The following LRP8 variants were observed in gnomAD, a reference collection of about 807,000 sequenced individuals.
LRP8 encodes the protein LDL receptor related protein 8.
LRP8 carries 46 observed loss-of-function variants against 111.6 expected under a neutral mutation model. That is an observed-to-expected ratio of 0.41 (90% confidence interval 0.33 to 0.53). The LOEUF is 0.53. Ranked by LOEUF, LRP8 falls within the 20% of genes least tolerant of loss-of-function variation. The pLI is 0.20. For missense variants in LRP8, 959 were observed against 1,297.4 expected (o/e 0.74, Z 4.01); for synonymous variants, 464 against 511.2 (o/e 0.91, Z 1.24).
In LRP8 at chr1:53,313,166, C is replaced by T. The variant is rs138582297; in HGVS notation, c.244+13707G>A. ...AAGCTGAGGTTCAGAAAAGGTCACA[C>T]ATTAAGTTAGGGGCTGGTGCCCCCA... is the stretch of plus-strand genomic sequence containing the variant. On this transcript the variant is annotated intron_variant, in intron 2 of 18. Transcript: ENST00000306052. 5.0e-4 allele frequency among the ~76,000 whole-genome samples: 76 copies of T among 152,314 alleles called. 1 individual carries two copies. In the South Asian group the frequency reaches 0.01, roughly 21 times the overall value.
In LRP8 at chr1:53,246,984, A is replaced by C. The variant is rs376805709; in HGVS notation, c.*34T>G. On this transcript the variant is annotated 3_prime_UTR_variant, in exon 19 of 19. Transcript: ENST00000306052. ...ATCCAGAGTGTAGTGCATGGGACTG[A>C]ATTCCATGAGGCACGAAGGGGGTGA... is the stretch of plus-strand genomic sequence containing the variant. 24 of 1,600,754 alleles carry C rather than the reference A, an allele frequency of 1.5e-5. No homozygotes were observed. In the African/African-American group the frequency reaches 2.7e-4, roughly 18 times the overall value.
chr1:53,251,473 TGAC>T (rs1331548337), intron 16 of LRP8, among the ~76,000 whole-genome samples: 1 of 151,794 alleles, frequency 6.6e-6, no homozygotes, highest in Non-Finnish European at 1.5e-5. Flanking sequence ...TTAGAATAAA[TGAC>T]TATGTTAATG....
At chr1:53,315,158 T>C (rs953894235) in intron 2 of LRP8, among the ~76,000 whole-genome samples, 1 of 152,154 alleles carries the variant, frequency 6.6e-6, no homozygotes, top group Non-Finnish European at 1.5e-5. Context: ...TCTGGGCTCA[T>C]TTCCTAATGA....
chr1:53,320,599 A>C (rs1300213124), intron 2 of LRP8, among the ~76,000 whole-genome samples: 1 of 152,202 alleles, frequency 6.6e-6, no homozygotes, highest in East Asian at 1.9e-4. Context: ...CCTTCCATAC[A>C]GTCAGAAGAA....
chr1:53,297,688 G>C (rs1650015230), intron 2 of LRP8, among the ~76,000 whole-genome samples: 1 of 152,224 alleles, frequency 6.6e-6, no homozygotes, highest in African/African-American at 2.4e-5. Context: ...TTTTTGGTGA[G>C]GGCGGCTTTG....
chr1:53,312,122 G>T (rs1205109956), intron 2 of LRP8, among the ~76,000 whole-genome samples: 3 of 152,166 alleles, frequency 2.0e-5, no homozygotes, highest in African/African-American at 7.2e-5. Flanking sequence ...ACACAGGCAG[G>T]CCCATGAATG....
chr1:53,251,328 GAA>G (rs962390016), intron 16 of LRP8, among the ~76,000 whole-genome samples: 2 of 152,078 alleles, frequency 1.3e-5, no homozygotes, highest in African/African-American at 4.8e-5. Flanking sequence ...ATTTCTCTAA[GAA>G]AACGATTCTC....
At chr1:53,327,264 A>G (rs114458952) in intron 1 of LRP8, 9,870 of 475,264 alleles carry the variant, frequency 0.021, 300 homozygotes, top group African/African-American at 0.086. Context: ...TCACCCGCAC[A>G]CGCGACCCAT....
Position 53,317,939 on chromosome 1 carries a change from C to T in LRP8, c.244+8934G>A, listed in dbSNP as rs927809949. Among the ~76,000 whole-genome samples, 1 of 152,176 alleles carries T rather than the reference C, an allele frequency of 6.6e-6. No homozygotes were observed. Among genetic ancestry groups the T allele is most frequent in the Non-Finnish European group, 1.5e-5 (1 of 68,030 alleles). ...CTGCCCAGAATCCAGCCCACCAAGC[C>T]AGCTATACTCCCCGCACTGTCACCA... On this transcript the variant is annotated intron_variant, in intron 2 of 18. Coordinates refer to ENST00000306052, the MANE Select transcript of LRP8 (RefSeq NM_004631.5). This position sits in a 1 kb window ranked among gnomAD's most constrained non-coding sequence, Gnocchi z 4.9.
At chr1:53,265,616 G>T (rs533660609) in intron 9 of LRP8, among the ~76,000 whole-genome samples, 1 of 152,340 alleles carries the variant, frequency 6.6e-6, no homozygotes, top group South Asian at 2.1e-4. Context: ...CATTGTTCTA[G>T]TTATGTTTTT....
rs1646576393 is a variant in LRP8, at chr1:53,266,717, G to A, written c.1253-70C>T. 7.0e-7 allele frequency: 1 copy of A among 1,419,546 alleles called. No individual in the cohort carries two copies. The highest frequency in any genetic ancestry group is 2.3e-5 in the East Asian group (1 of 43,496). 87.9% of individuals were successfully genotyped at this position (1,419,546 alleles called of 1,614,324 possible). A position where few individuals can be genotyped will look rare whatever the true frequency, so the allele number is the denominator to read the frequency against. On this transcript the variant is annotated intron_variant, in intron 8 of 18. Transcript: ENST00000306052. This position sits in a 1 kb window ranked among gnomAD's most constrained non-coding sequence, Gnocchi z 5.0. ...CAGGGAGCCTGGAGACCAAGACTCT[G>A]CCACTGGCTTGCTGGCTGACACATC...
chr1:53,277,422 A>G (rs987502554), intron 4 of LRP8, among the ~76,000 whole-genome samples: 6 of 152,060 alleles, frequency 3.9e-5, no homozygotes, highest in Non-Finnish European at 5.9e-5. Context: ...AATGACACTG[A>G]CCCTTCCCAG....
intron 3 of LRP8, among the ~76,000 whole-genome samples, chr1:53,283,060 C>T (rs1647166145): frequency 6.6e-6 from 1 of 152,056 alleles, no homozygotes; most frequent in African/African-American, 2.4e-5. Flanking sequence ...CGTTGGTATC[C>T]CCTGAAAATC....
In LRP8 at chr1:53,250,539, GAGGGAAGGACGGA is replaced by G. The variant is rs1645862321; in HGVS notation, c.2676+138_2676+150del. 1.6e-6 allele frequency: 1 copy of G among 640,034 alleles called. No individual in the cohort carries two copies. Among genetic ancestry groups the G allele is most frequent in the East Asian group, 2.7e-5 (1 of 36,526 alleles). The allele number at this position is 640,034 out of a possible 1,614,324, so 39.6% of individuals were successfully genotyped here. Reference sequence around the variant, plus strand: ...GAAGGAAAGAAAAAAGACAGGGAGGGAGGGAAGGACGGAAGGAAAGGAGGGAGGGAAGGACGGA... The same window carrying G: ...GAAGGAAAGAAAAAAGACAGGGAGGGAGGAAAGGAGGGAGGGAAGGACGGA... On this transcript the variant is annotated intron_variant, in intron 17 of 18. Coordinates refer to ENST00000306052, the MANE Select transcript of LRP8 (RefSeq NM_004631.5). This position sits in a 1 kb window ranked among gnomAD's most constrained non-coding sequence, Gnocchi z 4.6.
chr1:53,307,324 C>T (rs888709818), intron 2 of LRP8: 9 of 152,248 alleles, frequency 5.9e-5, no homozygotes, highest in African/African-American at 1.9e-4. Context: ...ACACTTACCC[C>T]GTCCCACCTT....
At chr1:53,322,298 G>A (rs1468566071) in intron 2 of LRP8, among the ~76,000 whole-genome samples, 2 of 152,204 alleles carry the variant, frequency 1.3e-5, no homozygotes, top group African/African-American at 4.8e-5. Flanking sequence ...TTTGACATGG[G>A]TCTCTAAGTA....
Position 53,245,458 on chromosome 1 carries a change from C to T in LRP8, c.*1560G>A, listed in dbSNP as rs1033561147. The T allele has an allele frequency of 1.3e-5, 2 of 152,076 alleles. No homozygotes were observed. The highest frequency in any genetic ancestry group is 2.4e-5 in the African/African-American group (1 of 41,418). The allele number at this position is 152,076 out of a possible 1,614,324, so 9.4% of individuals were successfully genotyped here. ...GGATTATGTTTCCAATGGGAGACCC[C>T]ACAAGTAGAAAAGAGCACTTCTCCC... On this transcript the variant is annotated 3_prime_UTR_variant, in exon 19 of 19. Coordinates refer to ENST00000306052, the MANE Select transcript of LRP8 (RefSeq NM_004631.5).
Position 53,275,171 on chromosome 1 carries a change from G to A in LRP8, c.1006+460C>T, listed in dbSNP as rs7548806. On this transcript the variant is annotated intron_variant, in intron 6 of 18. Coordinates refer to ENST00000306052, the MANE Select transcript of LRP8 (RefSeq NM_004631.5). This position sits in a 1 kb window ranked among gnomAD's most constrained non-coding sequence, Gnocchi z 4.4. ...ACTTTGCCCCATGGACCCCGGATAGGGGAAGTTGCTACACTGCCCAGCCTG... is the reference window on the plus strand; with the variant it reads ...ACTTTGCCCCATGGACCCCGGATAGAGGAAGTTGCTACACTGCCCAGCCTG... Among the ~76,000 whole-genome samples the A allele has an allele frequency of 3.9e-3, 597 of 152,314 alleles. 5 individuals carry two copies. Among genetic ancestry groups the A allele is most frequent in the African/African-American group, 0.014 (573 of 41,572 alleles).
chr1:53,275,839 C>T lies in LRP8; in HGVS notation c.884-86G>A. 6.7e-7 allele frequency: 1 copy of T among 1,502,444 alleles called. No individual in the cohort carries two copies. Among genetic ancestry groups the T allele is most frequent in the Admixed American group, 2.0e-5 (1 of 49,436 alleles). 93.1% of individuals were successfully genotyped at this position (1,502,444 alleles called of 1,614,324 possible). ...ACCACCCCAATCCCCATGCCATAGC[C>T]ACCCCCAGCAAAAACAGAACCAGTG... On this transcript the variant is annotated intron_variant, in intron 5 of 18. Coordinates refer to ENST00000306052, the MANE Select transcript of LRP8 (RefSeq NM_004631.5). This position sits in a 1 kb window ranked among gnomAD's most constrained non-coding sequence, Gnocchi z 4.4.
Sources: gnomAD v4.1 joint callset for allele counts (sites outside exome capture counted in the v4.1 genomes callset) on GRCh38, gnomAD v4.1.1 for gene constraint, Gnocchi (gnomAD v3.1) non-coding constraint, MANE v1.5 for transcripts, NCBI Gene and HGNC (gene_info 2026-07-23, HGNC 2026-07-21) for gene names.